Variants in LUZP2 observed in about 807,000 individuals in gnomAD.
LUZP2 encodes leucine zipper protein 2.
A neutral mutation model predicts 51.6 loss-of-function variants in LUZP2; 52 were observed. The observed-to-expected ratio is 1.01, with a 90% CI of 0.81 to 1.27. The LOEUF (loss-of-function observed/expected upper bound fraction) is 1.27, where lower values mean the gene tolerates loss of function less well. LUZP2 is among the 50% of genes most tolerant of loss of function. The probability of loss-of-function intolerance (pLI) is 0.00; values close to 1 mark genes in which losing one functional copy is unlikely to be tolerated. For missense variants in LUZP2, 436 were observed against 395.4 expected (o/e 1.10, Z -0.87); for synonymous variants, 154 against 137.3 (o/e 1.12, Z -0.85).
At position 24,733,866 on chromosome 11, in the gene LUZP2, T is replaced by C. The variant is rs181434945; in HGVS notation, c.251+1678T>C. Among the ~76,000 whole-genome samples the C allele has an allele frequency of 2.6e-5, 4 of 151,818 alleles. No homozygotes were observed. The East Asian group carries it at 5.8e-4, about 22-fold the overall frequency. ...ACAAAAATAGAAAAACAAAAATTGA[T>C]TTCTGCACAATACATGTGCAGCACC... On this transcript the variant is annotated intron_variant, in intron 3 of 11. Transcript: ENST00000336930.
At chr11:24,712,740 A>G (rs1280983548) in intron 1 of LUZP2, among the ~76,000 whole-genome samples, 1 of 152,224 alleles carries the variant, frequency 6.6e-6, no homozygotes, top group East Asian at 1.9e-4. Flanking sequence ...GAAGAGCCTG[A>G]CTAAAATTTG....
chr11:24,791,977 A>G (rs1411184659), intron 5 of LUZP2, among the ~76,000 whole-genome samples: 8 of 147,450 alleles, frequency 5.4e-5, no homozygotes, highest in Non-Finnish European at 4.5e-5. Context: ...TTTTCCATTC[A>G]ATCCAAATAG....
At chr11:24,945,325 A>G (rs554983776) in intron 7 of LUZP2, among the ~76,000 whole-genome samples, 1 of 152,306 alleles carries the variant, frequency 6.6e-6, no homozygotes, top group Admixed American at 6.5e-5. Context: ...CCATTTATTT[A>G]TAACCACACA....
intron 7 of LUZP2, among the ~76,000 whole-genome samples, chr11:24,938,093 T>G (rs1854642155): frequency 6.6e-6 from 1 of 152,190 alleles, no homozygotes; most frequent in African/African-American, 2.4e-5. Context: ...TTTGTTTAAT[T>G]TATTTATTAA....
At chr11:24,574,252 C>CTTTCTT (rs1852553749) in intron 1 of LUZP2, among the ~76,000 whole-genome samples, 2 of 3,078 alleles carry the variant, frequency 6.5e-4, no homozygotes, top group African/African-American at 1.4e-3. Flanking sequence ...TTCTTTCTTT[C>CTTTCTT]TTTCTTTCTT....
intron 10 of LUZP2, among the ~76,000 whole-genome samples, chr11:25,068,124 A>G (rs1240120131): frequency 1.3e-5 from 2 of 151,952 alleles, no homozygotes; most frequent in Non-Finnish European, 2.9e-5. Flanking sequence ...ATGAGAACAC[A>G]TGGATACAGG....
intron 9 of LUZP2, 119 bp downstream of exon 9, chr11:24,983,412 A>C: frequency 9.4e-7 from 1 of 1,066,176 alleles, no homozygotes; most frequent in Non-Finnish European, 1.3e-6. Flanking sequence ...TTGAAAGATT[A>C]GGAGGAAAAT....
intron 1 of LUZP2, among the ~76,000 whole-genome samples, chr11:24,554,344 A>T (rs1335899025): frequency 1.3e-5 from 2 of 152,160 alleles, no homozygotes; most frequent in Non-Finnish European, 2.9e-5. Context: ...ATTTTATTAA[A>T]TGTATTTGGC....
At chr11:25,053,452 G>A (rs1858585329) in intron 10 of LUZP2, among the ~76,000 whole-genome samples, 1 of 151,668 alleles carries the variant, frequency 6.6e-6, no homozygotes, top group Non-Finnish European at 1.5e-5. Context: ...CCATATAAGT[G>A]TATGTTTCAA....
chr11:24,782,764 C>T (rs149644603), intron 5 of LUZP2, among the ~76,000 whole-genome samples: 1,825 of 152,040 alleles, frequency 0.012, 21 homozygotes, highest in Non-Finnish European at 0.018. Context: ...AAAAATAGCT[C>T]ATCAAAAAGG....
chr11:24,920,959 A>C lies in LUZP2; in HGVS notation c.522+6421A>C, dbSNP rs151134364. ...TAAATGTATACAAATAAAAAAGAAAATATTTTTAAAAACACATAAAAATAA... is the reference window on the plus strand; with the variant it reads ...TAAATGTATACAAATAAAAAAGAAACTATTTTTAAAAACACATAAAAATAA... On this transcript the variant is annotated intron_variant, in intron 7 of 11. Transcript: ENST00000336930. 5.3e-5 allele frequency among the ~76,000 whole-genome samples: 8 copies of C among 152,262 alleles called. No homozygotes were observed. In the East Asian group the frequency reaches 5.8e-4, roughly 11 times the overall value.
intron 7 of LUZP2, among the ~76,000 whole-genome samples, chr11:24,965,530 G>A (rs940750910): frequency 6.6e-6 from 1 of 151,434 alleles, no homozygotes; most frequent in Non-Finnish European, 1.5e-5. Context: ...GCATTCTCTG[G>A]GTGAAATATA....
chr11:24,926,466 C>CGTGTATATATGTGTGTGTATATATAT (rs1565119986), intron 7 of LUZP2, among the ~76,000 whole-genome samples: 1 of 70,494 alleles, frequency 1.4e-5, no homozygotes, highest in Non-Finnish European at 2.9e-5. Context: ...TATATATATA[C>CGTGTATATATGTGTGTGTATATATAT]GTGTATATAT....
intron 1 of LUZP2, among the ~76,000 whole-genome samples, chr11:24,512,902 GC>G (rs1850356853): frequency 1.3e-5 from 2 of 151,874 alleles, no homozygotes; most frequent in African/African-American, 4.8e-5. Context: ...GGCACATGCT[GC>G]CACGCCCAGC....
At chr11:24,736,836 C>G (rs1346999566) in intron 3 of LUZP2, among the ~76,000 whole-genome samples, 1 of 151,994 alleles carries the variant, frequency 6.6e-6, no homozygotes, top group African/African-American at 2.4e-5. Context: ...GAATCCACTT[C>G]AAGCACATTA....
intron 9 of LUZP2, among the ~76,000 whole-genome samples, chr11:25,030,479 A>C (rs771368784): frequency 1.3e-5 from 2 of 152,100 alleles, no homozygotes; most frequent in Non-Finnish European, 2.9e-5. Context: ...GTGTCTATCA[A>C]CATTAAAGAA....
chr11:24,863,482 G>A (rs1363819947), intron 5 of LUZP2, among the ~76,000 whole-genome samples: 1 of 151,908 alleles, frequency 6.6e-6, no homozygotes, highest in Admixed American at 6.6e-5. Flanking sequence ...CCATTCATGT[G>A]AAATCTCCAG....
rs866583502 is a variant in LUZP2 at position 24,833,706 on chromosome 11, G to A, written c.396+70398G>A. ...TCACGTCCCCCACGCCTGCCACCGCGCGCGCGCACACACACACACACACAC... is the reference window on the plus strand; with the variant it reads ...TCACGTCCCCCACGCCTGCCACCGCACGCGCGCACACACACACACACACAC... On this transcript the variant is annotated intron_variant, in intron 5 of 11. Coordinates refer to ENST00000336930, the MANE Select transcript of LUZP2 (RefSeq NM_001009909.4). 6.2e-3 allele frequency among the ~76,000 whole-genome samples: 772 copies of A among 124,380 alleles called. 3 individuals are homozygous for A. The highest frequency in any genetic ancestry group is 0.025 in the African/African-American group (685 of 27,394). The allele number at this position is 124,380 out of a possible 152,430, so 81.6% of individuals were successfully genotyped here.
At chr11:24,618,286 C>T (rs959033440) in intron 1 of LUZP2, among the ~76,000 whole-genome samples, 2 of 152,184 alleles carry the variant, frequency 1.3e-5, no homozygotes, top group Non-Finnish European at 2.9e-5. Flanking sequence ...CCCAGAAGGT[C>T]TTCACTAACA....
Sources: allele counts gnomAD v4.1 joint callset (sites outside exome capture counted in the v4.1 genomes callset), GRCh38; gene constraint gnomAD v4.1.1; transcripts MANE v1.5; gene names NCBI Gene and HGNC (gene_info 2026-07-23, HGNC 2026-07-21).